Variants in ZMYM6 observed in about 807,000 individuals in gnomAD.
ZMYM6 encodes the protein zinc finger MYM-type containing 6.
In ZMYM6, 90 loss-of-function variants were observed where a neutral mutation model predicts 134.0. That is an observed-to-expected ratio of 0.67 (90% confidence interval 0.57 to 0.80). The LOEUF (loss-of-function observed/expected upper bound fraction) is 0.80, where lower values mean the gene tolerates loss of function less well. Among genes scored for constraint, ZMYM6 ranks in the 30% least tolerant of loss-of-function variants. ZMYM6 has a pLI of 0.00. For missense variants in ZMYM6, 1,362 were observed against 1,533.9 expected (o/e 0.89, Z 1.87); for synonymous variants, 481 against 524.1 (o/e 0.92, Z 1.12).
In ZMYM6 at chr1:34,992,346, T is replaced by C. The variant is rs148687601; in HGVS notation, c.2034A>G (p.Gln678=). 4 of 1,614,062 alleles carry C rather than the reference T, an allele frequency of 2.5e-6. No individual in the cohort carries two copies. Among genetic ancestry groups the C allele is most frequent in the South Asian group, 1.1e-5 (1 of 91,086 alleles). The part of the protein sequence containing the change: ...QEDAMKFPSS[Q]SSQPSRLLKN... ...TTAAAAGCCTGGAAGGCTGGGAAGATTGGGAAGATGGAAATTTCATAGCAT... is the reference window on the plus strand; with the variant it reads ...TTAAAAGCCTGGAAGGCTGGGAAGACTGGGAAGATGGAAATTTCATAGCAT... Residue 678 remains glutamine (Q), a synonymous_variant, in exon 15 of 16, where the codon CAA becomes CAG. Transcript: ENST00000357182.
intron 4 of ZMYM6, among the ~76,000 whole-genome samples, chr1:35,016,820 G>C (rs931465845): frequency 6.6e-6 from 1 of 152,000 alleles, no homozygotes; most frequent in African/African-American, 2.4e-5. Flanking sequence ...CTGGGCAACA[G>C]AGCAAGACCC....
At chr1:35,000,226 G>A (rs537792346) in intron 14 of ZMYM6, among the ~76,000 whole-genome samples, 1 of 146,136 alleles carries the variant, frequency 6.8e-6, no homozygotes, top group East Asian at 2.0e-4. Context: ...ACCACACTTC[G>A]CCCCAGAGAT....
chr1:35,022,863 G>C (rs1002850096), intron 2 of ZMYM6, among the ~76,000 whole-genome samples: 2 of 152,072 alleles, frequency 1.3e-5, no homozygotes, highest in Non-Finnish European at 2.9e-5. Context: ...GCCCAACACA[G>C]TCAACATAAC....
chr1:35,015,721 C>T lies in ZMYM6; in HGVS notation c.429-559G>A, dbSNP rs1378630182. 3.7e-5 allele frequency among the ~76,000 whole-genome samples: 3 copies of T among 80,844 alleles called. No individual in the cohort carries two copies. In the African/African-American group the frequency reaches 5.2e-4, roughly 14 times the overall value. 53.0% of individuals were successfully genotyped at this position (80,844 alleles called of 152,430 possible). A position where few individuals can be genotyped will look rare whatever the true frequency, so the allele number is the denominator to read the frequency against. ...CCTTGGCAACAGAGCTAGACTCCAT[C>T]TCAAAAAAAAAAAAAAAAAAAAATA... On this transcript the variant is annotated intron_variant, in intron 4 of 15. Coordinates refer to ENST00000357182, the MANE Select transcript of ZMYM6 (RefSeq NM_007167.4).
chr1:34,988,371 T>C lies in ZMYM6; in HGVS notation c.2711A>G (p.Glu904Gly). The change falls in exon 16 of 16, where the codon GAG (glutamate) becomes GGG (glycine). Residue 904 changes from glutamate to glycine, a missense_variant. Physicochemically the swap from Glu to Gly is moderately conservative, Grantham distance 98 (BLOSUM62 -2). Coordinates refer to ENST00000357182, the MANE Select transcript of ZMYM6 (RefSeq NM_007167.4). ...IEDQLIQKVR[E>G]SKWFALQIDE... ...TATCTGAAGGGCAAACCACTTTGACTCTCTGACCTTTTGAATCAGCTGGTC... is the reference window on the plus strand; with the variant it reads ...TATCTGAAGGGCAAACCACTTTGACCCTCTGACCTTTTGAATCAGCTGGTC... 4 of 1,551,640 alleles carry C rather than the reference T, an allele frequency of 2.6e-6. No homozygotes were observed. The highest frequency in any genetic ancestry group is 3.5e-6 in the Non-Finnish European group (4 of 1,146,962).
At chr1:35,022,672 T>C (rs1401447367) in intron 2 of ZMYM6, among the ~76,000 whole-genome samples, 1 of 152,226 alleles carries the variant, frequency 6.6e-6, no homozygotes, top group East Asian at 1.9e-4. Context: ...GTTCCCCTGT[T>C]GCAGTAGTCT....
At chr1:35,026,310 C>T (rs1307014989) in intron 2 of ZMYM6, among the ~76,000 whole-genome samples, 2 of 152,150 alleles carry the variant, frequency 1.3e-5, no homozygotes, top group Admixed American at 6.5e-5. Flanking sequence ...CACAAGCCAC[C>T]GCGCCTGGCC....
chr1:35,015,823 T>G (rs1314122532), intron 4 of ZMYM6, among the ~76,000 whole-genome samples: 1 of 150,214 alleles, frequency 6.7e-6, no homozygotes, highest in Non-Finnish European at 1.5e-5. Context: ...AAGTTTCATC[T>G]GCTATAGCCA....
At chr1:35,027,521 G>A (rs545473754) in intron 2 of ZMYM6, among the ~76,000 whole-genome samples, 146 of 152,310 alleles carry the variant, frequency 9.6e-4, no homozygotes, top group African/African-American at 3.1e-3. Context: ...GGCCAAGGCA[G>A]GAGGATTGCT....
intron 6 of ZMYM6, 26 bp from the exon 7 acceptor site, chr1:35,012,607 A>G: frequency 6.2e-7 from 1 of 1,609,756 alleles, no homozygotes; most frequent in Non-Finnish European, 8.5e-7. Context: ...AACATTAGAT[A>G]CCTAGTACAA....
At chr1:35,030,435 T>G in intron 2 of ZMYM6, 112 bp downstream of exon 2, 1 of 965,130 alleles carries the variant, frequency 1.0e-6, no homozygotes. Flanking sequence ...CCTGTCTCAG[T>G]TTGGGTTATT....
At chr1:35,014,603 A>C (rs560231138) in intron 6 of ZMYM6, 94 bp downstream of exon 6, 126 of 1,214,834 alleles carry the variant, frequency 1.0e-4, no homozygotes, top group Middle Eastern at 2.0e-4. Context: ...GGATGGACTA[A>C]TGGGAGGAGC....
intron 4 of ZMYM6, among the ~76,000 whole-genome samples, chr1:35,015,743 A>AATATATATATATATATATATATATAT (rs35800399): frequency 9.4e-6 from 1 of 106,464 alleles, no homozygotes; most frequent in African/African-American, 6.6e-5. Flanking sequence ...AAAAAAAAAA[A>AATATATATATATATATATATATATAT]ATATATATAT....
chr1:35,028,431 G>A (rs191866810), intron 2 of ZMYM6, among the ~76,000 whole-genome samples: 34 of 152,246 alleles, frequency 2.2e-4, no homozygotes, highest in African/African-American at 7.7e-4. Flanking sequence ...AACTTTGAGT[G>A]TAAAGCGAAA....
Position 34,988,337 on chromosome 1 carries a change from T to C in ZMYM6, c.2745A>G (p.Ser915=). The C allele has an allele frequency of 6.4e-7, 1 of 1,551,526 alleles. No homozygotes were observed. The highest frequency in any genetic ancestry group is 8.7e-7 in the Non-Finnish European group (1 of 1,146,938). ...SKWFALQIDE[S]SEISNITLLL... ...GAAGTGTGATATTTGAGATTTCTGATGACTCATCTATCTGAAGGGCAAACC... is the reference window on the plus strand; with the variant it reads ...GAAGTGTGATATTTGAGATTTCTGACGACTCATCTATCTGAAGGGCAAACC... Residue 915 remains serine (S), a synonymous_variant, in exon 16 of 16, where the codon TCA becomes TCG. Transcript: ENST00000357182.
rs752282429 is a variant in ZMYM6 at position 34,992,371 on chromosome 1, T to C, written c.2009A>G (p.Asp670Gly). ...TTGGGAAGATGGAAATTTCATAGCATCTTCCTGTGTACTTTCCTAGTTAAA... is the reference window on the plus strand; with the variant it reads ...TTGGGAAGATGGAAATTTCATAGCACCTTCCTGTGTACTTTCCTAGTTAAA... Reference protein sequence around the residue: ...KIIQDESTQEDAMKFPSSQSS... With the variant: ...KIIQDESTQEGAMKFPSSQSS... The change falls in exon 15 of 16, where the codon GAT (aspartate) becomes GGT (glycine). Residue 670 changes from aspartate (D) to glycine (G), a missense_variant. This residue lies in a region of ZMYM6 where 824 missense variants were observed against 940.9 expected (regional missense o/e 0.88). Transcript: ENST00000357182. 2.5e-6 allele frequency: 4 copies of C among 1,613,778 alleles called. No individual in the cohort carries two copies. The African/African-American group carries it at 5.3e-5, about 22-fold the overall frequency.
chr1:35,030,258 C>T, intron 2 of ZMYM6: 1 of 252,084 alleles, frequency 4.0e-6, no homozygotes, highest in Non-Finnish European at 7.5e-6. Flanking sequence ...GGCCAAACCC[C>T]GTCTCTACCA....
rs746889539 is a variant in ZMYM6, at chr1:34,987,345, G to A, written c.3737C>T (p.Ala1246Val). ...TELSSDLGLQALFKSVSVTQF... is the reference protein window; with the variant it reads ...TELSSDLGLQVLFKSVSVTQF... ...AGTTACAGACACTGATTTAAATAGT[G>A]CTTGTAATCCTAAATCTGAAGATAG... The change falls in exon 16 of 16, where the codon GCA (alanine) becomes GTA (valine). Residue 1246 changes from alanine (A) to valine (V), a missense_variant. This residue lies in a region of ZMYM6 where 824 missense variants were observed against 940.9 expected (regional missense o/e 0.88). Coordinates refer to ENST00000357182, the MANE Select transcript of ZMYM6 (RefSeq NM_007167.4). 2 of 1,613,746 alleles carry A rather than the reference G, an allele frequency of 1.2e-6. No homozygotes were observed. Among genetic ancestry groups the A allele is most frequent in the South Asian group, 2.2e-5 (2 of 90,936 alleles).
At chr1:35,019,660 G>GTCTC (rs377267965) in intron 3 of ZMYM6, 58 bp from the exon 4 acceptor site, 5 of 1,460,430 alleles carry the variant, frequency 3.4e-6, no homozygotes, top group East Asian at 2.4e-5. Flanking sequence ...TACAGTCTCA[G>GTCTC]TCTCTCTCTC....
Sources: allele counts gnomAD v4.1 joint callset (sites outside exome capture counted in the v4.1 genomes callset), GRCh38; gene constraint gnomAD v4.1.1; regional missense constraint gnomAD v4.1.1; transcripts MANE v1.5; gene names NCBI Gene and HGNC (gene_info 2026-07-23, HGNC 2026-07-21).